Variants in AUTS2 observed in about 807,000 individuals in gnomAD.
AUTS2 encodes the protein autism susceptibility gene 2 protein.
Under a neutral mutation model 112.4 loss-of-function variants are expected in AUTS2, and 17 were observed. The observed-to-expected ratio is 0.15, with a 90% confidence interval of 0.10 to 0.23. AUTS2 has a LOEUF of 0.23. AUTS2 is among the 10% of genes least tolerant of loss of function. AUTS2 has a pLI of 1.00. For missense variants in AUTS2, 1,510 were observed against 1,701.6 expected (o/e 0.89, Z 1.98); for synonymous variants, 751 against 702.7 (o/e 1.07, Z -1.09).
chr7:70,354,807 T>G (rs1030614120), intron 4 of AUTS2, among the ~76,000 whole-genome samples: 1 of 152,256 alleles, frequency 6.6e-6, no homozygotes, highest in Non-Finnish European at 1.5e-5. Flanking sequence ...CAATTACATG[T>G]TGAAGTGATA....
chr7:70,701,150 T>G (rs1809434822), intron 6 of AUTS2, among the ~76,000 whole-genome samples: 1 of 152,236 alleles, frequency 6.6e-6, no homozygotes, highest in South Asian at 2.1e-4. Context: ...TTTAAGCTGC[T>G]GGTGAGATTA....
chr7:70,120,742 G>C (rs1805639514), intron 3 of AUTS2, among the ~76,000 whole-genome samples: 1 of 152,136 alleles, frequency 6.6e-6, no homozygotes, highest in Non-Finnish European at 1.5e-5. Flanking sequence ...TTCATGAATA[G>C]AAAGACAGTA....
chr7:70,234,443 T>C (rs1428636770), intron 4 of AUTS2, among the ~76,000 whole-genome samples: 6 of 152,208 alleles, frequency 3.9e-5, no homozygotes, highest in Non-Finnish European at 7.3e-5. Context: ...CTCTACCAAA[T>C]AGTAATAATT....
At chr7:70,356,275 G>A (rs562614806) in intron 4 of AUTS2, among the ~76,000 whole-genome samples, 1 of 152,320 alleles carries the variant, frequency 6.6e-6, no homozygotes, top group South Asian at 2.1e-4. Context: ...TCAAGTTTCA[G>A]TCTGTCTCTT....
intron 5 of AUTS2, among the ~76,000 whole-genome samples, chr7:70,580,252 C>G (rs527961787): frequency 2.0e-5 from 3 of 152,178 alleles, no homozygotes; most frequent in Non-Finnish European, 2.9e-5. Context: ...TCATCCTGAC[C>G]TTCAGCTATG....
At chr7:70,294,570 A>C (rs1202793174) in intron 4 of AUTS2, among the ~76,000 whole-genome samples, 2 of 152,222 alleles carry the variant, frequency 1.3e-5, no homozygotes, top group African/African-American at 4.8e-5. Flanking sequence ...TGCAACAGTA[A>C]AAACGATAAG....
chr7:69,814,889 A>G (rs1035390970), intron 1 of AUTS2, among the ~76,000 whole-genome samples: 2 of 152,242 alleles, frequency 1.3e-5, no homozygotes, highest in Admixed American at 6.5e-5. Flanking sequence ...CATTCGTGGC[A>G]TCTTAATGAA....
chr7:70,788,486 C>T (rs1791664163), intron 18 of AUTS2, among the ~76,000 whole-genome samples: 1 of 152,202 alleles, frequency 6.6e-6, no homozygotes, highest in African/African-American at 2.4e-5. Flanking sequence ...ACATTCATCT[C>T]TGAGCTGTGA....
chr7:69,994,200 C>T (rs1798852871), intron 2 of AUTS2, among the ~76,000 whole-genome samples: 1 of 151,954 alleles, frequency 6.6e-6, no homozygotes, highest in Admixed American at 6.5e-5. Context: ...CATTGCACCC[C>T]AGCCTGGGCA....
chr7:69,921,711 G>A (rs189437159), intron 2 of AUTS2, among the ~76,000 whole-genome samples: 55 of 143,404 alleles, frequency 3.8e-4, no homozygotes, highest in Admixed American at 2.2e-3. Flanking sequence ...GCAGTGAGCC[G>A]AGATCACACC....
intron 14 of AUTS2, among the ~76,000 whole-genome samples, chr7:70,779,734 G>A (rs943159213): frequency 1.3e-5 from 2 of 152,098 alleles, no homozygotes; most frequent in African/African-American, 2.4e-5. Flanking sequence ...ATGAGTCCGG[G>A]AGATCAGAAG....
At chr7:70,090,009 CAAAT>C (rs34279658) in intron 2 of AUTS2, among the ~76,000 whole-genome samples, 15,519 of 144,320 alleles carry the variant, frequency 0.11, 1,250 homozygotes, top group African/African-American at 0.23. Flanking sequence ...TGTTTCAAAA[CAAAT>C]AAATAAATAA....
At chr7:69,960,870 C>T (rs774993695) in intron 2 of AUTS2, among the ~76,000 whole-genome samples, 1 of 152,088 alleles carries the variant, frequency 6.6e-6, no homozygotes, top group Non-Finnish European at 1.5e-5. Context: ...TCTAGGTGCT[C>T]ATCAACTTCT....
At chr7:69,986,052 C>T (rs1031941755) in intron 2 of AUTS2, among the ~76,000 whole-genome samples, 6 of 152,150 alleles carry the variant, frequency 3.9e-5, no homozygotes, top group East Asian at 1.9e-4. Flanking sequence ...CATGAGCCAC[C>T]GTGCCCAGCC....
chr7:70,559,948 TCA>T (rs1801408535), intron 5 of AUTS2, among the ~76,000 whole-genome samples: 1 of 152,180 alleles, frequency 6.6e-6, no homozygotes, highest in African/African-American at 2.4e-5. Context: ...ACCACTGGCT[TCA>T]CACCACACTT....
At chr7:70,346,393 G>T (rs766430880) in intron 4 of AUTS2, among the ~76,000 whole-genome samples, 2 of 152,154 alleles carry the variant, frequency 1.3e-5, no homozygotes, top group Non-Finnish European at 2.9e-5. Context: ...TGCGATCTGA[G>T]GCCAGTCTGA....
At chr7:70,502,054 TAGTCA>T (rs1248639991) in intron 5 of AUTS2, among the ~76,000 whole-genome samples, 1 of 152,194 alleles carries the variant, frequency 6.6e-6, no homozygotes, top group Non-Finnish European at 1.5e-5. Flanking sequence ...ACTTGACCAT[TAGTCA>T]AGCTGTTCCT....
chr7:70,781,804 C>T (rs1791104109), intron 15 of AUTS2, 48 bp downstream of exon 15: 2 of 1,589,942 alleles, frequency 1.3e-6, no homozygotes, highest in Non-Finnish European at 8.6e-7. Context: ...ATGTAGTTCT[C>T]AGGTAACTAA....
chr7:70,628,131 G>A (rs1277913981), intron 5 of AUTS2, among the ~76,000 whole-genome samples: 2 of 152,116 alleles, frequency 1.3e-5, no homozygotes, highest in Non-Finnish European at 2.9e-5. Context: ...GCAAAGCAAT[G>A]CCTTGGAAGC....
Sources: allele counts gnomAD v4.1 joint callset (sites outside exome capture counted in the v4.1 genomes callset), GRCh38; gene constraint gnomAD v4.1.1; transcripts MANE v1.5; gene names NCBI Gene and HGNC (gene_info 2026-07-23, HGNC 2026-07-21).